The following FAM81B variants were observed in gnomAD, a reference collection of about 807,000 sequenced individuals.
The protein encoded by FAM81B is protein FAM81B.
In FAM81B, 60 loss-of-function variants were observed where a neutral mutation model predicts 58.7. The ratio of observed to expected loss-of-function variants is 1.02; its 90% CI spans 0.83 to 1.27. The LOEUF is 1.27. FAM81B is among the 50% of genes most tolerant of loss of function. The pLI is 0.00. For missense variants in FAM81B, 491 were observed against 522.0 expected, an observed-to-expected ratio of 0.94 and a Z score of 0.58; for synonymous variants, 189 against 179.6, an observed-to-expected ratio of 1.05 and a Z score of -0.42.
rs1159057210 is a variant in FAM81B, at chr5:95,436,795, A to G, written c.787-5A>G. The stretch of plus-strand genomic sequence containing the variant: ...TATGCACAAACCCTCTCGTACTTTG[A>G]CTAGGTGATGCAGCTCTTAGGAAAG... On this transcript the variant is annotated splice_polypyrimidine_tract_variant and splice_region_variant and intron_variant, in intron 6 of 9. Transcript: ENST00000283357. 1 of 1,595,726 alleles carries G rather than the reference A, an allele frequency of 6.3e-7. No homozygotes were observed. Among genetic ancestry groups the G allele is most frequent in the East Asian group, 2.2e-5 (1 of 44,754 alleles).
chr5:95,420,518 T>C, intron 5 of FAM81B, 116 bp downstream of exon 5: 1 of 1,381,668 alleles, frequency 7.2e-7, no homozygotes, highest in Non-Finnish European at 9.8e-7. Context: ...TAAGCTAAAC[T>C]AATGAGATGG....
chr5:95,402,234 T>G (rs961472675), intron 3 of FAM81B, among the ~76,000 whole-genome samples: 27 of 152,236 alleles, frequency 1.8e-4, no homozygotes, highest in African/African-American at 5.3e-4. Flanking sequence ...CATGCTCATG[T>G]GTTTGTTCTT....
intron 3 of FAM81B, among the ~76,000 whole-genome samples, chr5:95,404,502 GA>G (rs955759543): frequency 5.8e-4 from 79 of 135,760 alleles, no homozygotes; most frequent in Middle Eastern, 3.8e-3. Flanking sequence ...TATTCAATTT[GA>G]AAAAAAAAAA....
At chr5:95,414,528 T>A (rs6878485) in intron 4 of FAM81B, among the ~76,000 whole-genome samples, 41,882 of 152,182 alleles carry the variant, frequency 0.28, 6,040 homozygotes, top group Non-Finnish European at 0.3. Context: ...GAGGTTTTCA[T>A]AATGCACATC....
chr5:95,447,694 C>T (rs909749799), intron 8 of FAM81B, among the ~76,000 whole-genome samples: 1 of 152,222 alleles, frequency 6.6e-6, no homozygotes, highest in Non-Finnish European at 1.5e-5. Context: ...CCAGTTCCTG[C>T]TCCCAGATTC....
chr5:95,399,720 C>G (rs1402222032), intron 3 of FAM81B, among the ~76,000 whole-genome samples: 1 of 152,142 alleles, frequency 6.6e-6, no homozygotes, highest in East Asian at 1.9e-4. Context: ...AGAGGGAGCC[C>G]CCACCAACCT....
intron 7 of FAM81B, among the ~76,000 whole-genome samples, chr5:95,445,045 G>A (rs1482545458): frequency 6.6e-6 from 1 of 152,078 alleles, no homozygotes; most frequent in East Asian, 1.9e-4. Flanking sequence ...GCCCCCAGTT[G>A]AAAGCTATTA....
At chr5:95,445,314 C>CT (rs1248065891) in intron 7 of FAM81B, among the ~76,000 whole-genome samples, 6 of 152,160 alleles carry the variant, frequency 3.9e-5, no homozygotes, top group Admixed American at 3.9e-4. Context: ...TCTTGCCAAT[C>CT]TAACAGTTTT....
Position 95,426,108 on chromosome 5 carries a change from ATATATATATATATATG to A in FAM81B, c.657-2492_657-2477del, listed in dbSNP as rs1290170740. Among the ~76,000 whole-genome samples the A allele has an allele frequency of 1.2e-3, 154 of 133,528 alleles. 4 individuals are homozygous for A. The highest frequency in any genetic ancestry group is 3.6e-3 in the African/African-American group (129 of 35,436). 87.6% of individuals were successfully genotyped at this position (133,528 alleles called of 152,430 possible). A position where few individuals can be genotyped will look rare whatever the true frequency, so the allele number is the denominator to read the frequency against. On this transcript the variant is annotated intron_variant, in intron 5 of 9. Transcript: ENST00000283357. ...TATCTCTGTGTGTATATATATATATATATATATATATATATGTACACATATATTTTAAGTATATATG... is the reference window on the plus strand; with the variant it reads ...TATCTCTGTGTGTATATATATATATATACACATATATTTTAAGTATATATG...
intron 3 of FAM81B, among the ~76,000 whole-genome samples, chr5:95,407,921 A>T (rs1486601141): frequency 6.6e-6 from 1 of 152,196 alleles, no homozygotes; most frequent in East Asian, 1.9e-4. Context: ...TTTATCTCAC[A>T]GTTTCTCAGG....
chr5:95,430,844 T>C (rs1005163732), intron 6 of FAM81B, among the ~76,000 whole-genome samples: 2 of 152,098 alleles, frequency 1.3e-5, no homozygotes, highest in Non-Finnish European at 2.9e-5. Context: ...TGTGTCTCCA[T>C]TGCCTCACCA....
intron 6 of FAM81B, among the ~76,000 whole-genome samples, chr5:95,431,441 T>A (rs893979775): frequency 6.6e-6 from 1 of 152,060 alleles, no homozygotes; most frequent in African/African-American, 2.4e-5. Flanking sequence ...CCTGGTATAA[T>A]TAGTTGTTTT....
chr5:95,392,020 A>G (rs1247652941), intron 1 of FAM81B, among the ~76,000 whole-genome samples: 1 of 152,232 alleles, frequency 6.6e-6, no homozygotes, highest in Non-Finnish European at 1.5e-5. Flanking sequence ...CCAAAGGACT[A>G]TAAATCATTC....
chr5:95,433,315 G>C (rs1032971940), intron 6 of FAM81B, among the ~76,000 whole-genome samples: 1 of 152,114 alleles, frequency 6.6e-6, no homozygotes, highest in Non-Finnish European at 1.5e-5. Context: ...CAAGCAAAAG[G>C]GGGAAAAGTC....
At position 95,420,318 on chromosome 5, in the gene FAM81B, C is replaced by T. The variant is rs768744588; in HGVS notation, c.572C>T (p.Ala191Val). The part of the protein sequence containing the change: ...LEDQIRARDQ[A>V]ATGTNFAVHE... ...GACCAAATAAGAGCTCGAGATCAGG[C>T]GGCCACAGGAACTAACTTTGCAGTA... Residue 191 changes from alanine (A) to valine (V), a missense_variant, in exon 5 of 10, where the codon GCG becomes GTG. Transcript: ENST00000283357. The T allele has an allele frequency of 9.9e-6, 16 of 1,613,582 alleles. No homozygotes were observed. The highest frequency in any genetic ancestry group is 6.7e-5 in the Admixed American group (4 of 59,968).
chr5:95,428,829 G>A (rs1762921817), intron 6 of FAM81B, 97 bp downstream of exon 6: 1 of 1,529,680 alleles, frequency 6.5e-7, no homozygotes, highest in East Asian at 2.3e-5. Context: ...AATTTTTTAA[G>A]AGAACTCTTT....
rs532689482 is a variant in FAM81B at position 95,431,476 on chromosome 5, G to T, written c.786+2744G>T. Among the ~76,000 whole-genome samples the T allele has an allele frequency of 2.0e-5, 3 of 151,786 alleles. No individual in the cohort carries two copies. The South Asian group carries it at 6.3e-4, about 32-fold the overall frequency. ...TTGCTTATAATTTTAAAATCAGCCTGTCTCATTTCAATAAATAAATCAAAA... is the reference window on the plus strand; with the variant it reads ...TTGCTTATAATTTTAAAATCAGCCTTTCTCATTTCAATAAATAAATCAAAA... On this transcript the variant is annotated intron_variant, in intron 6 of 9. Coordinates refer to ENST00000283357, the MANE Select transcript of FAM81B (RefSeq NM_152548.3).
At chr5:95,396,604 T>C in intron 3 of FAM81B, 1 of 154,528 alleles carries the variant, frequency 6.5e-6, no homozygotes, top group Admixed American at 6.5e-5. Flanking sequence ...CTATTTACAG[T>C]GCCATACCTG....
chr5:95,420,760 GAATTAT>G (rs1762659698), intron 5 of FAM81B, among the ~76,000 whole-genome samples: 1 of 152,146 alleles, frequency 6.6e-6, no homozygotes, highest in Non-Finnish European at 1.5e-5. Context: ...AAATATACAA[GAATTAT>G]AATAGTCTAA....
Sources: allele counts gnomAD v4.1 joint callset (sites outside exome capture counted in the v4.1 genomes callset), GRCh38; gene constraint gnomAD v4.1.1; transcripts MANE v1.5; gene names NCBI Gene and HGNC (gene_info 2026-07-23, HGNC 2026-07-21).